The following NRXN3 variants were observed in gnomAD, a reference collection of about 807,000 sequenced individuals.
The protein encoded by NRXN3 is neurexin III.
In NRXN3, 32 loss-of-function variants were observed where a neutral mutation model predicts 137.6. The observed-to-expected ratio is 0.23, with a 90% CI of 0.18 to 0.31. NRXN3 has a LOEUF of 0.31. NRXN3 is among the 10% of genes least tolerant of loss of function. NRXN3 has a pLI of 1.00. For synonymous variants in NRXN3, 798 were observed against 784.5 expected (o/e 1.02, Z -0.29); for missense variants, 1,574 against 2,062.5 (o/e 0.76, Z 4.59).
chr14:79,280,233 A>G (rs2081047175), intron 15 of NRXN3: 1 of 1,601,988 alleles, frequency 6.2e-7, no homozygotes, highest in Non-Finnish European at 8.5e-7. Context: ...CATGAACTTC[A>G]TTACTCCTCA....
intron 6 of NRXN3, among the ~76,000 whole-genome samples, chr14:78,655,796 T>C (rs1450956441): frequency 6.6e-6 from 1 of 152,224 alleles, no homozygotes; most frequent in Admixed American, 6.5e-5. Flanking sequence ...CTGAGTGGCT[T>C]ATAAACAACA....
At chr14:78,991,602 T>G (rs2153079797) in intron 15 of NRXN3, among the ~76,000 whole-genome samples, 1 of 152,276 alleles carries the variant, frequency 6.6e-6, no homozygotes, top group African/African-American at 2.4e-5. Context: ...TGAAACTTAC[T>G]CAACAGGGAA....
At chr14:78,927,935 T>C (rs996469481) in intron 10 of NRXN3, among the ~76,000 whole-genome samples, 4 of 151,996 alleles carry the variant, frequency 2.6e-5, no homozygotes, top group Non-Finnish European at 5.9e-5. Context: ...TCTGAGGGAG[T>C]CCTCTGCCTG....
chr14:79,394,383 T>C (rs1296028889), intron 15 of NRXN3, among the ~76,000 whole-genome samples: 1 of 152,200 alleles, frequency 6.6e-6, no homozygotes, highest in Non-Finnish European at 1.5e-5. Context: ...ACTTCTTACA[T>C]TGGTTTTTCG....
At chr14:79,395,835 A>T (rs2095006708) in intron 15 of NRXN3, among the ~76,000 whole-genome samples, 2 of 151,908 alleles carry the variant, frequency 1.3e-5, no homozygotes, top group South Asian at 4.2e-4. Flanking sequence ...GCAGGCTGTG[A>T]ATATAAAACA....
At chr14:79,473,055 T>C (rs2096529031) in intron 16 of NRXN3, among the ~76,000 whole-genome samples, 1 of 152,208 alleles carries the variant, frequency 6.6e-6, no homozygotes, top group Non-Finnish European at 1.5e-5. Flanking sequence ...AAAATTTATG[T>C]GTTAAGATAT....
At chr14:78,366,393 G>A (rs182382650) in intron 4 of NRXN3, among the ~76,000 whole-genome samples, 2 of 152,258 alleles carry the variant, frequency 1.3e-5, no homozygotes, top group South Asian at 2.1e-4. Context: ...TAATTAAAGT[G>A]CACATTTAAT....
chr14:78,283,355 A>G (rs1220348818), intron 3 of NRXN3: 4 of 152,284 alleles, frequency 2.6e-5, no homozygotes, highest in African/African-American at 7.2e-5. Context: ...AAAGCTAAGA[A>G]TGGGTTTTAC....
intron 4 of NRXN3, among the ~76,000 whole-genome samples, chr14:78,483,720 C>T (rs888817631): frequency 2.6e-5 from 4 of 152,106 alleles, no homozygotes; most frequent in Non-Finnish European, 5.9e-5. Context: ...GTTCCTCCAG[C>T]CTTGGGAAAT....
intron 4 of NRXN3, among the ~76,000 whole-genome samples, chr14:78,429,116 C>T (rs2093774255): frequency 6.6e-6 from 1 of 152,002 alleles, no homozygotes; most frequent in Admixed American, 6.5e-5. Flanking sequence ...TGCTCTGTCA[C>T]CCAGGCTAGA....
At chr14:79,362,601 G>A (rs1566914171) in intron 15 of NRXN3, among the ~76,000 whole-genome samples, 1 of 152,096 alleles carries the variant, frequency 6.6e-6, no homozygotes, top group Non-Finnish European at 1.5e-5. Context: ...CCAGAAATTG[G>A]AACCTATGTT....
rs543103771 is a variant in NRXN3 at position 78,554,410 on chromosome 14, G to A, written c.758-90710G>A. On this transcript the variant is annotated intron_variant, in intron 4 of 20. Coordinates refer to ENST00000335750, the MANE Select transcript of NRXN3 (RefSeq NM_001330195.2). The stretch of plus-strand genomic sequence containing the variant: ...CTCCTGGCTCCCTGTACTCACTGCT[G>A]CTCTCTGGTTTACCAGCATAGAGGC... Among the ~76,000 whole-genome samples the A allele has an allele frequency of 1.3e-4, 20 of 152,210 alleles. 1 individual carries two copies. Among genetic ancestry groups the A allele is most frequent in the African/African-American group, 4.8e-4 (20 of 41,516 alleles).
At chr14:78,676,469 T>C (rs1444144510) in intron 6 of NRXN3, among the ~76,000 whole-genome samples, 1 of 152,128 alleles carries the variant, frequency 6.6e-6, no homozygotes, top group Non-Finnish European at 1.5e-5. Context: ...AATGCCCTAA[T>C]GCTTGAGTTT....
At chr14:78,489,556 GT>G (rs1322011984) in intron 4 of NRXN3, among the ~76,000 whole-genome samples, 1 of 152,108 alleles carries the variant, frequency 6.6e-6, no homozygotes, top group Admixed American at 6.6e-5. Flanking sequence ...TGCTTTTCTG[GT>G]TTTATGATTT....
At chr14:79,770,549 A>G (rs1264530337) in intron 19 of NRXN3, among the ~76,000 whole-genome samples, 1 of 147,648 alleles carries the variant, frequency 6.8e-6, no homozygotes, top group Non-Finnish European at 1.5e-5. Context: ...AAATGAAGGC[A>G]GAAATAAAGA....
chr14:78,232,420 C>G (rs768252403), intron 1 of NRXN3, among the ~76,000 whole-genome samples: 2 of 151,598 alleles, frequency 1.3e-5, no homozygotes, highest in Non-Finnish European at 2.9e-5. Flanking sequence ...GTCTGCGCCT[C>G]TCTCCCCTTC....
intron 10 of NRXN3, among the ~76,000 whole-genome samples, chr14:78,909,664 T>C (rs2099230977): frequency 1.3e-5 from 2 of 152,156 alleles, no homozygotes; most frequent in South Asian, 4.1e-4. Flanking sequence ...CAATTAATAA[T>C]GTAGAAGAGA....
intron 1 of NRXN3, among the ~76,000 whole-genome samples, chr14:78,203,895 G>T (rs571705571): frequency 2.0e-4 from 29 of 148,238 alleles, no homozygotes; most frequent in African/African-American, 6.0e-4. Flanking sequence ...GTATTAGATT[G>T]TATACACTTC....
At chr14:78,455,355 C>T (rs1253686481) in intron 4 of NRXN3, among the ~76,000 whole-genome samples, 1 of 152,208 alleles carries the variant, frequency 6.6e-6, no homozygotes, top group East Asian at 1.9e-4. Context: ...GAGGAGAAGA[C>T]TCAGTGTGAT....
Sources: gnomAD v4.1 joint callset for allele counts (sites outside exome capture counted in the v4.1 genomes callset) on GRCh38, gnomAD v4.1.1 for gene constraint, MANE v1.5 for transcripts, NCBI Gene and HGNC (gene_info 2026-07-23, HGNC 2026-07-21) for gene names.